Variants in TEAD3 observed in about 807,000 individuals in gnomAD.
TEAD3 encodes the protein transcriptional enhancer factor TEF-5.
In TEAD3, 15 loss-of-function variants were observed where a neutral mutation model predicts 55.6. That is an observed-to-expected ratio of 0.27 (90% CI 0.18 to 0.42). TEAD3 has a LOEUF of 0.42. TEAD3 is among the 10% of genes least tolerant of loss of function. TEAD3 has a pLI of 1.00. For missense variants in TEAD3, 407 were observed against 576.8 expected, an observed-to-expected ratio of 0.71 and a Z score of 3.01; for synonymous variants, 210 against 232.2, an observed-to-expected ratio of 0.90 and a Z score of 0.87.
chr6:35,478,396 A>G lies in TEAD3; in HGVS notation c.480+38T>C, dbSNP rs758985157. 8.7e-6 allele frequency: 14 copies of G among 1,613,416 alleles called. No individual in the cohort carries two copies. In the East Asian group the frequency reaches 3.1e-4, roughly 36 times the overall value. On this transcript the variant is annotated intron_variant, in intron 6 of 12. Transcript: ENST00000639578. Reference sequence around the variant, plus strand: ...CCCACTAAAGCTCATCCTTTACAGCACACCCCCACACCAGCCCACCTCCTG... The same window carrying G: ...CCCACTAAAGCTCATCCTTTACAGCGCACCCCCACACCAGCCCACCTCCTG...
chr6:35,480,539 G>C (rs1024251542), intron 3 of TEAD3, among the ~76,000 whole-genome samples, 165 bp from the exon 4 acceptor site: 21 of 152,176 alleles, frequency 1.4e-4, no homozygotes, highest in African/African-American at 4.3e-4. Context: ...ATGTTGCCTG[G>C]GCTGATCTCA....
exon 13 of TEAD3, chr6:35,474,905 A>C: frequency 1.6e-6 from 1 of 633,688 alleles, no homozygotes; most frequent in Non-Finnish European, 2.8e-6. Context: ...GTGCTGGGGT[A>C]GGTGGGGAGG....
intron 1 of TEAD3, among the ~76,000 whole-genome samples, chr6:35,495,957 A>C (rs1188348464): frequency 2.0e-5 from 3 of 152,186 alleles, no homozygotes; most frequent in Admixed American, 2.0e-4. Context: ...TCCCCCTCGC[A>C]CTGAAAGAAT....
In TEAD3 at chr6:35,491,170, C is replaced by T. The variant is rs1014649208; in HGVS notation, c.-49-4459G>A. 8.6e-5 allele frequency among the ~76,000 whole-genome samples: 13 copies of T among 151,782 alleles called. No homozygotes were observed. Among genetic ancestry groups the T allele is most frequent in the Middle Eastern group, 3.4e-3 (1 of 294 alleles). ...CCCAGTGGGGGACAGACCAGAGCCC[C>T]GCAGAGTGAAGGGAGAGACCCCAGG... On this transcript the variant is annotated intron_variant, in intron 1 of 12. Transcript: ENST00000639578. This position sits in a 1 kb window ranked among gnomAD's most constrained non-coding sequence, Gnocchi z 4.4.
chr6:35,486,518 T>C lies in TEAD3; in HGVS notation c.145A>G (p.Ile49Val). The change falls in exon 2 of 13, where the codon ATC (isoleucine) becomes GTC (valine). Residue 49 changes from isoleucine to valine, a missense_variant. By Grantham distance (29) the Ile-to-Val change is conservative (BLOSUM62 3). Coordinates refer to ENST00000639578, the Ensembl canonical transcript of TEAD3. The surrounding 1 kb of genome is among the most constrained non-coding windows in gnomAD (Gnocchi z 7.3). ...TTCCGCCGGCCGCAGGGCGGGTAGA[T>C]GGCCAGGGCCTCCTGGAAGCTCTGC... is the stretch of plus-strand genomic sequence containing the variant. 1 of 1,613,620 alleles carries C rather than the reference T, an allele frequency of 6.2e-7. No individual in the cohort carries two copies. Among genetic ancestry groups the C allele is most frequent in the Non-Finnish European group, 8.5e-7 (1 of 1,179,776 alleles).
chr6:35,480,846 C>G (rs963951175), intron 3 of TEAD3, among the ~76,000 whole-genome samples: 2 of 152,190 alleles, frequency 1.3e-5, no homozygotes, highest in Non-Finnish European at 2.9e-5. Flanking sequence ...AAAAGGGTGA[C>G]TTTTTCTCAC....
chr6:35,475,246 T>C lies in TEAD3; in HGVS notation c.1195-89A>G. 6.3e-7 allele frequency: 1 copy of C among 1,599,074 alleles called. No homozygotes were observed. Among genetic ancestry groups the C allele is most frequent in the Non-Finnish European group, 8.5e-7 (1 of 1,171,688 alleles). Reference sequence around the variant, plus strand: ...TGAACAGACCATTCTCCTTTCCGGATCTATGCCTCTCAGCCAAGCGATGTG... The same window carrying C: ...TGAACAGACCATTCTCCTTTCCGGACCTATGCCTCTCAGCCAAGCGATGTG... On this transcript the variant is annotated intron_variant, in intron 12 of 12. Coordinates refer to ENST00000639578, the Ensembl canonical transcript of TEAD3. The surrounding 1 kb of genome is among the most constrained non-coding windows in gnomAD (Gnocchi z 5.4).
At chr6:35,487,426 C>T (rs934896554) in intron 1 of TEAD3, among the ~76,000 whole-genome samples, 3 of 151,932 alleles carry the variant, frequency 2.0e-5, no homozygotes, top group Non-Finnish European at 2.9e-5. Flanking sequence ...GTGGCACGCA[C>T]TTGTAATCCC....
rs941098588 is a variant in TEAD3 at position 35,486,226 on chromosome 6, G to A, written c.202+235C>T. Among the ~76,000 whole-genome samples, 4 of 152,358 alleles carry A rather than the reference G, an allele frequency of 2.6e-5. No homozygotes were observed. The highest frequency in any genetic ancestry group is 1.3e-4 in the Admixed American group (2 of 15,314). ...ACCTCGAAACCTCCAGGCCGGTAGC[G>A]GGGAGGAGAGGAGGAGCAGGCGGGG... On this transcript the variant is annotated intron_variant, in intron 2 of 12. Coordinates refer to ENST00000639578, the Ensembl canonical transcript of TEAD3. This position sits in a 1 kb window ranked among gnomAD's most constrained non-coding sequence, Gnocchi z 7.3.
In TEAD3 at chr6:35,484,724, A is replaced by G; in HGVS notation, c.203-100T>C. ...GGAAGCCACTCCAGGACCCTCCCCA[A>G]AACACTGCTCTTCTGTTCCTCACTC... On this transcript the variant is annotated intron_variant, in intron 2 of 12. Coordinates refer to ENST00000639578, the Ensembl canonical transcript of TEAD3. This position sits in a 1 kb window ranked among gnomAD's most constrained non-coding sequence, Gnocchi z 5.8. 1.0e-6 allele frequency: 1 copy of G among 998,706 alleles called. No homozygotes were observed. The highest frequency in any genetic ancestry group is 1.5e-6 in the Non-Finnish European group (1 of 649,528). 61.9% of individuals were successfully genotyped at this position (998,706 alleles called of 1,614,324 possible). A position where few individuals can be genotyped will look rare whatever the true frequency, so the allele number is the denominator to read the frequency against.
At position 35,486,724 on chromosome 6, in the gene TEAD3, C is replaced by T. The variant is rs1290395524; in HGVS notation, c.-49-13G>A. Reference sequence around the variant, plus strand: ...TGGGCGGCTGAGCCTGGGGGACAGACAGACAGGAACTGGGACCAGGGTCCT... The same window carrying T: ...TGGGCGGCTGAGCCTGGGGGACAGATAGACAGGAACTGGGACCAGGGTCCT... On this transcript the variant is annotated splice_polypyrimidine_tract_variant and intron_variant, in intron 1 of 12. Transcript: ENST00000639578. The surrounding 1 kb of genome is among the most constrained non-coding windows in gnomAD (Gnocchi z 7.3). The T allele has an allele frequency of 1.9e-6, 3 of 1,560,188 alleles. No homozygotes were observed. The African/African-American group carries it at 4.1e-5, about 21-fold the overall frequency.
intron 1 of TEAD3, among the ~76,000 whole-genome samples, chr6:35,489,254 A>G (rs1768453032): frequency 6.6e-6 from 1 of 152,334 alleles, no homozygotes; most frequent in South Asian, 2.1e-4. Context: ...TACTATTATT[A>G]TTCCTAGTTT....
rs77166843 is a variant in TEAD3, at chr6:35,487,848, C to A, written c.-49-1137G>T. ...AACTAAGGCTCACAAGGTCACGCAG[C>A]TGCCAAAGGCATGCTGAGGAGCACA... On this transcript the variant is annotated intron_variant, in intron 1 of 12. Coordinates refer to ENST00000639578, the Ensembl canonical transcript of TEAD3. Among the ~76,000 whole-genome samples the A allele has an allele frequency of 5.1e-4, 78 of 152,350 alleles. No homozygotes were observed. In the East Asian group the frequency reaches 0.011, roughly 21 times the overall value.
At position 35,496,040 on chromosome 6, in the gene TEAD3, C is replaced by A. The variant is rs974378247; in HGVS notation, c.-50+858G>T. On this transcript the variant is annotated intron_variant, in intron 1 of 12. Transcript: ENST00000639578. The surrounding 1 kb of genome is among the most constrained non-coding windows in gnomAD (Gnocchi z 4.8). ...GGGTCTCAATGACACTGCCCCAGGG[C>A]CCAGCTGGGCTGGAAAACAGATCCA... Among the ~76,000 whole-genome samples the A allele has an allele frequency of 3.9e-5, 6 of 152,216 alleles. No homozygotes were observed. Among genetic ancestry groups the A allele is most frequent in the African/African-American group, 1.4e-4 (6 of 41,458 alleles).
At position 35,475,798 on chromosome 6, in the gene TEAD3, T is replaced by C; in HGVS notation, c.901-92A>G. The C allele has an allele frequency of 6.6e-7, 1 of 1,507,924 alleles. No individual in the cohort carries two copies. Among genetic ancestry groups the C allele is most frequent in the Admixed American group, 2.2e-5 (1 of 45,740 alleles). The allele number at this position is 1,507,924 out of a possible 1,614,324, so 93.4% of individuals were successfully genotyped here. On this transcript the variant is annotated intron_variant, in intron 10 of 12. Coordinates refer to ENST00000639578, the Ensembl canonical transcript of TEAD3. This position sits in a 1 kb window ranked among gnomAD's most constrained non-coding sequence, Gnocchi z 5.4. ...AGAGTCCTGCCCAAGGATCCATCTCTGGCACTCTGCCCACAAGCCATGAGG... is the reference window on the plus strand; with the variant it reads ...AGAGTCCTGCCCAAGGATCCATCTCCGGCACTCTGCCCACAAGCCATGAGG...
chr6:35,490,643 G>T (rs908627307), intron 1 of TEAD3, among the ~76,000 whole-genome samples: 1 of 152,222 alleles, frequency 6.6e-6, no homozygotes, highest in Non-Finnish European at 1.5e-5. Flanking sequence ...CTGGACCGGG[G>T]TCTCAGTGGA....
chr6:35,482,834 A>C (rs1768291379), intron 3 of TEAD3, among the ~76,000 whole-genome samples: 1 of 152,210 alleles, frequency 6.6e-6, no homozygotes, highest in Non-Finnish European at 1.5e-5. Context: ...ACAGGTTCCT[A>C]TGAACACCTC....
Position 35,494,465 on chromosome 6 carries a change from G to GAGGGA in TEAD3, c.-50+2428_-50+2432dup, listed in dbSNP as rs1395814398. Among the ~76,000 whole-genome samples the GAGGGA allele has an allele frequency of 2.6e-5, 4 of 152,322 alleles. No individual in the cohort carries two copies. The East Asian group carries it at 7.7e-4, about 29-fold the overall frequency. ...CTGGCACAACACCAGGAGGGGAGGG[G>GAGGGA]AGGGAAGGCAGGGCAAGGCCCCAGG... On this transcript the variant is annotated intron_variant, in intron 1 of 12. Coordinates refer to ENST00000639578, the Ensembl canonical transcript of TEAD3.
rs544487752 is a variant in TEAD3 at position 35,488,849 on chromosome 6, A to G, written c.-49-2138T>C. ...AGCGATTCTCCTGCCTCAGACTCCC[A>G]TGCAGCCTCCCCCCTCAGCATGGTG... On this transcript the variant is annotated intron_variant, in intron 1 of 12. Coordinates refer to ENST00000639578, the Ensembl canonical transcript of TEAD3. This position sits in a 1 kb window ranked among gnomAD's most constrained non-coding sequence, Gnocchi z 4.2. 1.7e-4 allele frequency among the ~76,000 whole-genome samples: 26 copies of G among 152,108 alleles called. No individual in the cohort carries two copies. The highest frequency in any genetic ancestry group is 5.5e-4 in the African/African-American group (23 of 41,504).
Sources: gnomAD v4.1 joint callset for allele counts (sites outside exome capture counted in the v4.1 genomes callset) on GRCh38, gnomAD v4.1.1 for gene constraint, Gnocchi (gnomAD v3.1) non-coding constraint, MANE v1.5 for transcripts, NCBI Gene and HGNC (gene_info 2026-07-23, HGNC 2026-07-21) for gene names.